The following HOMER2 variants were observed in gnomAD, a reference collection of about 807,000 sequenced individuals.
HOMER2 encodes homer scaffold protein 2.
A neutral mutation model predicts 47.0 loss-of-function variants in HOMER2; 27 were observed. That is an observed-to-expected ratio of 0.57 (90% CI 0.42 to 0.79). The LOEUF is 0.79. HOMER2 is among the 30% of genes least tolerant of loss of function. The pLI is 0.00. For synonymous variants in HOMER2, 161 were observed against 163.8 expected (o/e 0.98, Z 0.13); for missense variants, 443 against 435.0 (o/e 1.02, Z -0.16).
rs2053162973 is a variant in HOMER2, at chr15:82,902,776, ATGT to A, written c.6-9938_6-9936del. ...GGTTTTTTAAAGGACTGGAAAAATA[ATGT>A]TCTCAATTTTAAATACTGAGGGCTT... On this transcript the variant is annotated intron_variant, in intron 1 of 8. Transcript: ENST00000450735. 3.9e-5 allele frequency among the ~76,000 whole-genome samples: 6 copies of A among 152,346 alleles called. No homozygotes were observed. The South Asian group carries it at 1.2e-3, about 32-fold the overall frequency.
intron 1 of HOMER2, among the ~76,000 whole-genome samples, chr15:82,919,098 G>A (rs1008910297): frequency 6.6e-6 from 1 of 152,174 alleles, no homozygotes; most frequent in Admixed American, 6.5e-5. Flanking sequence ...GCACTGTTTT[G>A]TCCATTTGCC....
chr15:82,868,730 T>C (rs2052075899), intron 3 of HOMER2, among the ~76,000 whole-genome samples: 1 of 150,944 alleles, frequency 6.6e-6, no homozygotes, highest in African/African-American at 2.4e-5. Context: ...TTTGTATTTT[T>C]AGTAGAGACG....
chr15:82,855,116 C>T (rs1242028256), intron 5 of HOMER2, among the ~76,000 whole-genome samples: 1 of 151,932 alleles, frequency 6.6e-6, no homozygotes, highest in Non-Finnish European at 1.5e-5. Flanking sequence ...GCGGGCGGAT[C>T]ACTAGGTCAA....
chr15:82,934,911 C>T (rs1400765062), intron 1 of HOMER2, among the ~76,000 whole-genome samples: 1 of 152,250 alleles, frequency 6.6e-6, no homozygotes, highest in African/African-American at 2.4e-5. Flanking sequence ...CCCACTCACG[C>T]TCTCTGCTGA....
chr15:82,964,584 G>A (rs188539205), intron 1 of HOMER2, among the ~76,000 whole-genome samples: 247 of 152,196 alleles, frequency 1.6e-3, no homozygotes, highest in African/African-American at 5.2e-3. Context: ...TGGCCAACAT[G>A]GTAAAACCCC....
chr15:82,919,881 C>A (rs2053683473), intron 1 of HOMER2, among the ~76,000 whole-genome samples: 2 of 152,186 alleles, frequency 1.3e-5, no homozygotes, highest in South Asian at 4.1e-4. Flanking sequence ...TCGTGCACTT[C>A]ATATTTGAAA....
At chr15:82,923,697 T>C (rs1408705773) in intron 1 of HOMER2, among the ~76,000 whole-genome samples, 1 of 152,162 alleles carries the variant, frequency 6.6e-6, no homozygotes, top group Non-Finnish European at 1.5e-5. Flanking sequence ...CATGCACGCA[T>C]GCAAGTGTGC....
rs185294227 is a variant in HOMER2 at position 82,873,797 on chromosome 15, G to C, written c.294+1476C>G. On this transcript the variant is annotated intron_variant, in intron 3 of 8. Coordinates refer to ENST00000450735, the MANE Select transcript of HOMER2 (RefSeq NM_004839.4). ...TCGTGGAAGTTCCTTGGGATGCAGA[G>C]GACAGTCTGTGGGGTATCCCCACTG... Among the ~76,000 whole-genome samples, 132 of 152,340 alleles carry C rather than the reference G, an allele frequency of 8.7e-4. 2 individuals carry two copies. In the East Asian group the frequency reaches 0.025, roughly 28 times the overall value.
intron 1 of HOMER2, among the ~76,000 whole-genome samples, chr15:82,963,116 T>C (rs1403823605): frequency 1.3e-5 from 2 of 152,134 alleles, no homozygotes; most frequent in African/African-American, 2.4e-5. Flanking sequence ...TGTCTTCTTG[T>C]TGTTGTTGCC....
At chr15:82,948,560 C>T (rs2054432951) in intron 1 of HOMER2, among the ~76,000 whole-genome samples, 1 of 152,080 alleles carries the variant, frequency 6.6e-6, no homozygotes, top group Non-Finnish European at 1.5e-5. Flanking sequence ...GAGACTCTGT[C>T]TCAACAAAAG....
rs1048592896 is a variant in HOMER2, at chr15:82,851,301, T to C, written c.763-70A>G. 2.8e-6 allele frequency: 3 copies of C among 1,079,572 alleles called. No individual in the cohort carries two copies. In the Admixed American group the frequency reaches 6.0e-5, roughly 21 times the overall value. 66.9% of individuals were successfully genotyped at this position (1,079,572 alleles called of 1,614,324 possible). A position where few individuals can be genotyped will look rare whatever the true frequency, so the allele number is the denominator to read the frequency against. On this transcript the variant is annotated intron_variant, in intron 7 of 8. Coordinates refer to ENST00000450735, the MANE Select transcript of HOMER2 (RefSeq NM_004839.4). ...AAAATATATTCTTGAAAATCACCAA[T>C]GTGTGCACGCTCGTGGAAGCAGCTT...
intron 6 of HOMER2, among the ~76,000 whole-genome samples, chr15:82,854,417 AAG>A (rs1300077123): frequency 6.6e-6 from 1 of 152,176 alleles, no homozygotes; most frequent in Non-Finnish European, 1.5e-5. Flanking sequence ...AAAAAAAAGA[AAG>A]AAAATAAAAC....
Position 82,864,155 on chromosome 15 carries a change from C to G in HOMER2, c.387+12G>C, listed in dbSNP as rs2051885961. 13 of 1,576,670 alleles carry G rather than the reference C, an allele frequency of 8.2e-6. No individual in the cohort carries two copies. Among genetic ancestry groups the G allele is most frequent in the Non-Finnish European group, 1.1e-5 (13 of 1,149,288 alleles). Reference sequence around the variant, plus strand: ...ACCCCACTGGGATTTACTTCATAGACTAATGTCTTACTTGGGAATGATTAC... The same window carrying G: ...ACCCCACTGGGATTTACTTCATAGAGTAATGTCTTACTTGGGAATGATTAC... On this transcript the variant is annotated intron_variant, in intron 4 of 8. Transcript: ENST00000450735.
At chr15:82,862,305 A>T (rs1420846618) in intron 4 of HOMER2, among the ~76,000 whole-genome samples, 1 of 152,176 alleles carries the variant, frequency 6.6e-6, no homozygotes, top group African/African-American at 2.4e-5. Context: ...TAATACATAT[A>T]CGTTAAATAA....
rs550929511 is a variant in HOMER2 at position 82,910,964 on chromosome 15, C to T, written c.6-18123G>A. ...GGGTTCAGGGCTAAGTCCCTTCAGTCTGTGTGAGGTAGGGACATTAATATA... is the reference window on the plus strand; with the variant it reads ...GGGTTCAGGGCTAAGTCCCTTCAGTTTGTGTGAGGTAGGGACATTAATATA... On this transcript the variant is annotated intron_variant, in intron 1 of 8. Coordinates refer to ENST00000450735, the MANE Select transcript of HOMER2 (RefSeq NM_004839.4). Among the ~76,000 whole-genome samples the T allele has an allele frequency of 3.3e-5, 5 of 152,238 alleles. No homozygotes were observed. In the South Asian group the frequency reaches 1.0e-3, roughly 32 times the overall value.
intron 1 of HOMER2, among the ~76,000 whole-genome samples, chr15:82,912,227 ACTCATTAGCAATCATT>A (rs1433165545): frequency 6.6e-6 from 1 of 152,118 alleles, no homozygotes; most frequent in Admixed American, 6.5e-5. Context: ...CAAACCCCGT[ACTCATTAGCAATCATT>A]CTCCTCTTCC....
chr15:82,955,183 T>G (rs1487066311), upstream of HOMER2, among the ~76,000 whole-genome samples: 3 of 149,918 alleles, frequency 2.0e-5, no homozygotes, highest in Admixed American at 6.6e-5. Flanking sequence ...TTTTTTTTTT[T>G]TTTTGAGACG....
At chr15:82,902,606 G>A (rs375621184) in intron 1 of HOMER2, among the ~76,000 whole-genome samples, 3 of 152,132 alleles carry the variant, frequency 2.0e-5, no homozygotes, top group African/African-American at 7.2e-5. Flanking sequence ...CGAAGGAACC[G>A]TTTGTGTTCT....
At chr15:82,858,047 T>C (rs1447846380) in intron 5 of HOMER2, among the ~76,000 whole-genome samples, 1 of 152,234 alleles carries the variant, frequency 6.6e-6, no homozygotes. Context: ...CCCAACAGAA[T>C]GGCTATTTAT....
Sources: gnomAD v4.1 joint callset for allele counts (sites outside exome capture counted in the v4.1 genomes callset) on GRCh38, gnomAD v4.1.1 for gene constraint, MANE v1.5 for transcripts, NCBI Gene and HGNC (gene_info 2026-07-23, HGNC 2026-07-21) for gene names.